OR56A3: variants seen among roughly 807,000 people sequenced by gnomAD.
The protein encoded by OR56A3 is olfactory receptor 56A3.
In OR56A3, 23 loss-of-function variants were observed where a neutral mutation model predicts 17.5. The ratio of observed to expected loss-of-function variants is 1.32; its 90% CI spans 0.95 to 1.87. The LOEUF is 1.87. Ranked by LOEUF, OR56A3 falls within the 40% of genes most tolerant of loss-of-function variation. The pLI is 0.00. For missense variants in OR56A3, 366 were observed against 380.1 expected (o/e 0.96, Z 0.31); for synonymous variants, 175 against 150.6 (o/e 1.16, Z -1.19).
chr11:5,961,438 A>G, the OR56A3 span, among the ~76,000 whole-genome samples: 1 of 152,344 alleles, frequency 6.6e-6, no homozygotes, highest in African/African-American at 2.4e-5. Context: ...CTGTTGATCT[A>G]TGACCTTACC....
At chr11:5,986,149 G>C in the OR56A3 span, 1 of 1,613,960 alleles carries the variant, frequency 6.2e-7, no homozygotes, top group South Asian at 1.1e-5. Context: ...ACAAATATGA[G>C]AGCCACATGT....
At chr11:5,971,108 C>A in the OR56A3 span, among the ~76,000 whole-genome samples, 5 of 152,144 alleles carry the variant, frequency 3.3e-5, no homozygotes. Context: ...CTTGGGGAAT[C>A]TTAAACAAGT....
At chr11:5,965,407 G>T in the OR56A3 span, among the ~76,000 whole-genome samples, 1 of 152,164 alleles carries the variant, frequency 6.6e-6, no homozygotes, top group African/African-American at 2.4e-5. Context: ...AAATCAGTAT[G>T]CCTGGAACAT....
In OR56A3 at chr11:5,948,307, G is replaced by T. The variant is rs1213158397; in HGVS notation, c.*13G>T. On this transcript the variant is annotated 3_prime_UTR_variant, in exon 3 of 3. Coordinates refer to ENST00000641160, the MANE Select transcript of OR56A3 (RefSeq NM_001003443.3). ...GAAAGGGTGCTAACAAGGACCACTG[G>T]ATCTCTGAATATCTAAAATAAGATA... 1 of 1,544,606 alleles carries T rather than the reference G, an allele frequency of 6.5e-7. No homozygotes were observed. The highest frequency in any genetic ancestry group is 1.1e-5 in the South Asian group (1 of 89,078).
At chr11:5,955,797 G>C (rs895786465), downstream of OR56A3, among the ~76,000 whole-genome samples, 3 of 152,100 alleles carry the variant, frequency 2.0e-5, no homozygotes, top group African/African-American at 7.2e-5. Context: ...TGATTTGATT[G>C]CAAAATAAGC....
the OR56A3 span, chr11:6,002,395 G>A: frequency 6.2e-7 from 1 of 1,614,238 alleles, no homozygotes; most frequent in East Asian, 2.2e-5. Context: ...AACTGGTAGA[G>A]CTGATTGAAA....
the OR56A3 span, chr11:5,985,910 C>A: frequency 1.3e-6 from 2 of 1,554,372 alleles, no homozygotes; most frequent in Non-Finnish European, 1.7e-6. Context: ...CAGAAGAAGC[C>A]TCCGAAGGAA....
chr11:6,009,504 C>T, the OR56A3 span, among the ~76,000 whole-genome samples: 22 of 152,114 alleles, frequency 1.4e-4, no homozygotes, highest in Non-Finnish European at 2.5e-4. Flanking sequence ...TTAATATATT[C>T]AATTCAATAT....
chr11:6,015,368 T>C, the OR56A3 span, among the ~76,000 whole-genome samples: 9 of 113,450 alleles, frequency 7.9e-5, no homozygotes, highest in Non-Finnish European at 1.6e-4. Context: ...TGGTTCAAAG[T>C]GGCTCAGGTA....
At chr11:6,013,083 G>A in the OR56A3 span, among the ~76,000 whole-genome samples, 1 of 152,232 alleles carries the variant, frequency 6.6e-6, no homozygotes, top group Admixed American at 6.5e-5. Flanking sequence ...CTGTGCCCAG[G>A]GGTGTGGGAC....
chr11:5,970,485 G>A, the OR56A3 span, among the ~76,000 whole-genome samples: 2 of 152,136 alleles, frequency 1.3e-5, no homozygotes, highest in African/African-American at 4.8e-5. Flanking sequence ...GGAGCCAGCA[G>A]GACTGGAATG....
the OR56A3 span, among the ~76,000 whole-genome samples, chr11:5,961,082 C>T: frequency 3.3e-5 from 5 of 151,366 alleles, no homozygotes; most frequent in East Asian, 2.0e-4. Flanking sequence ...CCGCCCCATC[C>T]GGGAGCTGGG....
In OR56A3 at chr11:5,947,623, C is replaced by G; in HGVS notation, c.277C>G (p.Leu93Val). The change falls in exon 3 of 3, where the codon CTC (leucine) becomes GTC (valine). Residue 93 changes from leucine to valine, a missense_variant. Coordinates refer to ENST00000641160, the MANE Select transcript of OR56A3 (RefSeq NM_001003443.3). ...GGTCCTGACCATCTTCTGGTTTGAC[C>G]TCAGGCCCATCAGCTTCCCTGCCTG... is the stretch of plus-strand genomic sequence containing the variant. ...PKVLTIFWFD[L>V]RPISFPACFL... 6.2e-7 allele frequency: 1 copy of G among 1,614,200 alleles called. No individual in the cohort carries two copies. The highest frequency in any genetic ancestry group is 8.5e-7 in the Non-Finnish European group (1 of 1,180,038).
At chr11:6,002,678 G>T in the OR56A3 span, 5 of 1,614,126 alleles carry the variant, frequency 3.1e-6, no homozygotes, top group Admixed American at 8.3e-5. Context: ...TGTTCATGAT[G>T]AACATCTGGA....
At position 5,942,283 on chromosome 11, in the gene OR56A3, T is replaced by C. The variant is rs1847843239; in HGVS notation, c.-405T>C. On this transcript the variant is annotated 5_prime_UTR_variant, in exon 1 of 3. Coordinates refer to ENST00000641160, the MANE Select transcript of OR56A3 (RefSeq NM_001003443.3). ...CCAGAAGACTAGAGAGATCTCTGTC[T>C]TCAGTCCCTATCTGTGCTCTTTTCC... 6.6e-6 allele frequency: 1 copy of C among 152,226 alleles called. No homozygotes were observed. The highest frequency in any genetic ancestry group is 2.4e-5 in the African/African-American group (1 of 41,468). 9.4% of individuals were successfully genotyped at this position (152,226 alleles called of 1,614,324 possible). A position where few individuals can be genotyped will look rare whatever the true frequency, so the allele number is the denominator to read the frequency against.
the OR56A3 span, among the ~76,000 whole-genome samples, chr11:5,966,207 C>CAAAAAAAAAA: frequency 1.6e-5 from 1 of 63,968 alleles, no homozygotes. Context: ...CCCGTCTCTA[C>CAAAAAAAAAA]AAAAAAAAAA....
the OR56A3 span, chr11:6,002,843 G>C: frequency 6.2e-7 from 1 of 1,614,032 alleles, no homozygotes; most frequent in Non-Finnish European, 8.5e-7. Context: ...GCTGGATGGT[G>C]ATCAGGAGGG....
chr11:6,015,032 C>A, the OR56A3 span, among the ~76,000 whole-genome samples: 1 of 113,228 alleles, frequency 8.8e-6, no homozygotes, highest in Non-Finnish European at 1.8e-5. Context: ...GAAACTGGAA[C>A]TTATATCTAA....
chr11:6,021,950 TAG>T, the OR56A3 span: 1 of 152,142 alleles, frequency 6.6e-6, no homozygotes, highest in African/African-American at 2.4e-5. Flanking sequence ...CCGCCATTAA[TAG>T]AGAGACAGAA....
Sources: allele counts gnomAD v4.1 joint callset (sites outside exome capture counted in the v4.1 genomes callset), GRCh38; gene constraint gnomAD v4.1.1; transcripts MANE v1.5; gene names NCBI Gene and HGNC (gene_info 2026-07-23, HGNC 2026-07-21).